Variants in TMEM117 observed in about 807,000 individuals in gnomAD.
The protein encoded by TMEM117 is transmembrane protein 117.
Under a neutral mutation model 52.4 loss-of-function variants are expected in TMEM117, and 27 were observed. That is an observed-to-expected ratio of 0.51 (90% CI 0.38 to 0.71). The LOEUF (loss-of-function observed/expected upper bound fraction) is 0.71. Among genes scored for constraint, TMEM117 ranks in the 30% least tolerant of loss-of-function variants. The probability of loss-of-function intolerance (pLI) is 0.00; values close to 1 mark genes in which losing one functional copy is unlikely to be tolerated. For synonymous variants in TMEM117, 215 were observed against 206.3 expected, an observed-to-expected ratio of 1.04 and a Z score of -0.36; for missense variants, 556 against 630.5, an observed-to-expected ratio of 0.88 and a Z score of 1.26.
At chr12:44,107,828 A>G (rs1406475907) in intron 3 of TMEM117, among the ~76,000 whole-genome samples, 1 of 152,306 alleles carries the variant, frequency 6.6e-6, no homozygotes, top group African/African-American at 2.4e-5. Flanking sequence ...TTATATCCAC[A>G]AAACTTTTTG....
At chr12:44,276,661 G>A (rs2138582452) in intron 5 of TMEM117, among the ~76,000 whole-genome samples, 1 of 152,190 alleles carries the variant, frequency 6.6e-6, no homozygotes, top group South Asian at 2.1e-4. Flanking sequence ...AAATAAGTCT[G>A]AGAGATAATG....
intron 1 of TMEM117, among the ~76,000 whole-genome samples, chr12:43,836,450 A>C (rs1943031571): frequency 6.6e-6 from 1 of 151,956 alleles, no homozygotes; most frequent in Non-Finnish European, 1.5e-5. Context: ...CCTCTGGCTA[A>C]GGGCAGAGGA....
At chr12:44,079,151 G>A (rs1420218782) in intron 3 of TMEM117, among the ~76,000 whole-genome samples, 1 of 151,998 alleles carries the variant, frequency 6.6e-6, no homozygotes, top group East Asian at 1.9e-4. Flanking sequence ...CTTTGCTATT[G>A]TGAATAGTGC....
At chr12:44,180,313 A>G (rs1257078809) in intron 4 of TMEM117, among the ~76,000 whole-genome samples, 1 of 151,834 alleles carries the variant, frequency 6.6e-6, no homozygotes, top group Non-Finnish European at 1.5e-5. Context: ...TTGTCCAGTA[A>G]GATTTTGTAA....
At chr12:44,078,876 C>T (rs1259616733) in intron 3 of TMEM117, among the ~76,000 whole-genome samples, 1 of 144,962 alleles carries the variant, frequency 6.9e-6, no homozygotes, top group Admixed American at 7.0e-5. Flanking sequence ...CCCCACCCCC[C>T]AACAGGCCCC....
intron 3 of TMEM117, among the ~76,000 whole-genome samples, chr12:44,123,008 C>G (rs2138144120): frequency 6.6e-6 from 1 of 152,318 alleles, no homozygotes; most frequent in Admixed American, 6.5e-5. Flanking sequence ...AATGGTTGAA[C>G]TAATTTATAT....
At chr12:44,045,791 C>T (rs540035379) in intron 3 of TMEM117, among the ~76,000 whole-genome samples, 2 of 152,086 alleles carry the variant, frequency 1.3e-5, no homozygotes, top group African/African-American at 2.4e-5. Context: ...TGCAGTGAGC[C>T]GAGATCGTGC....
intron 3 of TMEM117, among the ~76,000 whole-genome samples, chr12:44,097,822 C>T (rs1947796238): frequency 6.6e-6 from 1 of 151,084 alleles, no homozygotes; most frequent in Admixed American, 6.6e-5. Context: ...AACAAACCTG[C>T]ACATTGTGCA....
intron 3 of TMEM117, among the ~76,000 whole-genome samples, chr12:43,979,817 TTA>T (rs1309771231): frequency 3.3e-5 from 5 of 152,182 alleles, no homozygotes; most frequent in Non-Finnish European, 7.3e-5. Context: ...TTCTCTCCCT[TTA>T]AAGGCTACTG....
intron 5 of TMEM117, among the ~76,000 whole-genome samples, chr12:44,280,977 AT>A (rs1950570124): frequency 6.6e-6 from 1 of 151,596 alleles, no homozygotes; most frequent in African/African-American, 2.4e-5. Flanking sequence ...GCTGTCATGC[AT>A]TTTCCTTATT....
At chr12:44,006,438 C>G (rs1314718452) in intron 3 of TMEM117, among the ~76,000 whole-genome samples, 1 of 152,142 alleles carries the variant, frequency 6.6e-6, no homozygotes, top group Non-Finnish European at 1.5e-5. Context: ...AACATTGAAT[C>G]CTCTCTTGCT....
chr12:44,333,582 T>G (rs1369563173), intron 6 of TMEM117, among the ~76,000 whole-genome samples: 1 of 151,978 alleles, frequency 6.6e-6, no homozygotes, highest in East Asian at 1.9e-4. Context: ...TGCTTGGCAC[T>G]TCTCCTTCCT....
chr12:44,293,702 C>T (rs1950733181), intron 5 of TMEM117, among the ~76,000 whole-genome samples: 1 of 152,060 alleles, frequency 6.6e-6, no homozygotes, highest in South Asian at 2.1e-4. Context: ...TTTTACTCCC[C>T]AGTCAACGTT....
At chr12:43,799,920 T>C in the TMEM117 span, among the ~76,000 whole-genome samples, 2 of 152,112 alleles carry the variant, frequency 1.3e-5, no homozygotes, top group Admixed American at 1.3e-4. Flanking sequence ...TGGAAAATTA[T>C]TATAGTTTTC....
intron 2 of TMEM117, among the ~76,000 whole-genome samples, chr12:43,914,907 G>A (rs1351769198): frequency 3.3e-5 from 5 of 152,072 alleles, no homozygotes; most frequent in African/African-American, 1.2e-4. Flanking sequence ...CCCTCCTTCA[G>A]CAAATTTATA....
intron 3 of TMEM117, among the ~76,000 whole-genome samples, chr12:44,141,550 C>T (rs182879644): frequency 1.3e-5 from 2 of 152,166 alleles, no homozygotes; most frequent in East Asian, 3.9e-4. Flanking sequence ...CAAATGTATG[C>T]AATTACAGGG....
intron 3 of TMEM117, among the ~76,000 whole-genome samples, chr12:43,997,465 G>T (rs1946049910): frequency 6.6e-6 from 1 of 152,058 alleles, no homozygotes; most frequent in African/African-American, 2.4e-5. Flanking sequence ...TGTCCATCAA[G>T]TTCAGACTAC....
At chr12:43,796,959 T>A in the TMEM117 span, 1 of 1,605,562 alleles carries the variant, frequency 6.2e-7, no homozygotes, top group South Asian at 1.1e-5. Context: ...CTGAAGATTT[T>A]AAAATAGGTG....
At chr12:44,358,779 C>CA (rs1951684564) in intron 6 of TMEM117, among the ~76,000 whole-genome samples, 1 of 151,988 alleles carries the variant, frequency 6.6e-6, no homozygotes, top group Non-Finnish European at 1.5e-5. Context: ...TTTGGTACTT[C>CA]AAGTGCCAGG....
Sources: allele counts gnomAD v4.1 joint callset (sites outside exome capture counted in the v4.1 genomes callset), GRCh38; gene constraint gnomAD v4.1.1; transcripts MANE v1.5; gene names NCBI Gene and HGNC (gene_info 2026-07-23, HGNC 2026-07-21).